CSMD2: variants seen among roughly 807,000 people sequenced by gnomAD.
CSMD2 encodes CUB and sushi domain-containing protein 2.
Under a neutral mutation model 398.5 loss-of-function variants are expected in CSMD2, and 130 were observed. The ratio of observed to expected loss-of-function variants is 0.33; its 90% CI spans 0.28 to 0.38. CSMD2 has a LOEUF of 0.38. Ranked by LOEUF, CSMD2 falls within the 10% of genes least tolerant of loss-of-function variation. The pLI is 1.00. For missense variants in CSMD2, 3,829 were observed against 4,764.9 expected, an observed-to-expected ratio of 0.80 and a Z score of 5.78; for synonymous variants, 1,828 against 1,908.5, an observed-to-expected ratio of 0.96 and a Z score of 1.10.
intron 22 of CSMD2, among the ~76,000 whole-genome samples, chr1:33,704,183 T>G (rs1338172158): frequency 6.6e-6 from 1 of 152,258 alleles, no homozygotes; most frequent in Non-Finnish European, 1.5e-5. Context: ...TATTTGGTTA[T>G]AGAAACACCA....
At position 33,681,828 on chromosome 1, in the gene CSMD2, TG is replaced by T. The variant is rs368437571; in HGVS notation, c.4052+11101del. Among the ~76,000 whole-genome samples, 31 of 152,084 alleles carry T rather than the reference TG, an allele frequency of 2.0e-4. 1 individual carries two copies. Among genetic ancestry groups the T allele is most frequent in the Admixed American group, 1.1e-3 (17 of 15,270 alleles). On this transcript the variant is annotated intron_variant, in intron 25 of 70. Coordinates refer to ENST00000373381, the MANE Select transcript of CSMD2 (RefSeq NM_001281956.2). The stretch of plus-strand genomic sequence containing the variant: ...TAAAAGTACAAAAATTAGCCAGGTG[TG>T]GTGGCAGGTGCCTTTAACCCCAGGT...
chr1:34,093,112 G>A (rs1284094783), intron 1 of CSMD2, among the ~76,000 whole-genome samples: 3 of 151,916 alleles, frequency 2.0e-5, no homozygotes, highest in African/African-American at 7.3e-5. Flanking sequence ...TGACCCCCGA[G>A]CAGCCTAACT....
intron 9 of CSMD2, among the ~76,000 whole-genome samples, chr1:33,812,499 G>A (rs1656974793): frequency 6.6e-6 from 1 of 152,210 alleles, no homozygotes; most frequent in African/African-American, 2.4e-5. Context: ...CTTTCATTCT[G>A]TACTGAGAAA....
Position 33,571,584 on chromosome 1 carries a change from G to A in CSMD2, c.7905C>T (p.Arg2635=). The A allele has an allele frequency of 6.5e-7, 1 of 1,549,064 alleles. No individual in the cohort carries two copies. Among genetic ancestry groups the A allele is most frequent in the Non-Finnish European group, 8.8e-7 (1 of 1,136,208 alleles). ...GYYYTGQRVI[R]CQANGKWSLG... ...GGCTCCATTTGCCATTGGCCTGACA[G>A]CGGATGACCCTTTGGCCAGTATAGT... The change falls in exon 51 of 71, where the codon CGC becomes CGT. Residue 2635 remains arginine (R), a synonymous_variant. Transcript: ENST00000373381.
chr1:33,545,234 A>G (rs1656765823), intron 57 of CSMD2, among the ~76,000 whole-genome samples: 1 of 152,222 alleles, frequency 6.6e-6, no homozygotes, highest in Middle Eastern at 3.2e-3. Context: ...AGAGAGAGAC[A>G]GAGAGATTTG....
At chr1:33,893,865 A>G (rs546868562) in intron 5 of CSMD2, among the ~76,000 whole-genome samples, 17 of 152,330 alleles carry the variant, frequency 1.1e-4, no homozygotes, top group African/African-American at 3.6e-4. Flanking sequence ...TTGCCAAGCT[A>G]GCAGGCAGCC....
chr1:33,728,857 A>G (rs1646629628), intron 15 of CSMD2, among the ~76,000 whole-genome samples: 2 of 152,254 alleles, frequency 1.3e-5, no homozygotes, highest in Admixed American at 6.5e-5. Context: ...AAATAATTAC[A>G]TAGAGCTATA....
chr1:33,640,047 A>C (rs2148928071), intron 29 of CSMD2, among the ~76,000 whole-genome samples: 1 of 152,320 alleles, frequency 6.6e-6, no homozygotes, highest in South Asian at 2.1e-4. Flanking sequence ...AGTCAGCCAA[A>C]CCAAAGCTCA....
At chr1:33,923,199 T>C (rs1301338647) in intron 4 of CSMD2, among the ~76,000 whole-genome samples, 3 of 152,186 alleles carry the variant, frequency 2.0e-5, no homozygotes, top group Admixed American at 1.3e-4. Flanking sequence ...CACGTTGAAA[T>C]GTAATCTCCA....
intron 3 of CSMD2, among the ~76,000 whole-genome samples, chr1:34,000,371 T>C (rs1646863073): frequency 6.6e-6 from 1 of 152,066 alleles, no homozygotes; most frequent in Admixed American, 6.6e-5. Context: ...GTCTCTGTCC[T>C]AGAGAGGCTG....
At chr1:33,740,369 A>G (rs1488617274) in intron 14 of CSMD2, among the ~76,000 whole-genome samples, 1 of 152,102 alleles carries the variant, frequency 6.6e-6, no homozygotes, top group Non-Finnish European at 1.5e-5. Context: ...AGTGGAGACC[A>G]GGATCCATGG....
In CSMD2 at chr1:33,519,462, C is replaced by T; in HGVS notation, c.*53+3G>A. ...CCTGTCTTCCTCCCACACCCCTGCT[C>T]ACCGGCTGCTGGAGGCGGGGCTCTC... On this transcript the variant is annotated splice_donor_region_variant and intron_variant, in intron 70 of 70. Coordinates refer to ENST00000373381, the MANE Select transcript of CSMD2 (RefSeq NM_001281956.2). This position sits in a 1 kb window ranked among gnomAD's most constrained non-coding sequence, Gnocchi z 5.6. 20 of 1,573,882 alleles carry T rather than the reference C, an allele frequency of 1.3e-5. No homozygotes were observed. In the South Asian group the frequency reaches 1.3e-4, roughly 10 times the overall value.
chr1:33,890,646 T>C (rs1366239258), intron 5 of CSMD2, among the ~76,000 whole-genome samples: 1 of 151,866 alleles, frequency 6.6e-6, no homozygotes, highest in East Asian at 1.9e-4. Flanking sequence ...CTTCAAACTA[T>C]ACTACAAGGC....
intron 15 of CSMD2, among the ~76,000 whole-genome samples, chr1:33,728,553 A>G (rs2149215224): frequency 6.6e-6 from 1 of 152,336 alleles, no homozygotes; most frequent in Admixed American, 6.5e-5. Context: ...TATAGAGAAG[A>G]AAACTAAGGC....
intron 25 of CSMD2, among the ~76,000 whole-genome samples, chr1:33,672,145 C>T (rs547984987): frequency 6.9e-4 from 105 of 152,248 alleles, no homozygotes; most frequent in African/African-American, 2.5e-3. Flanking sequence ...TGCAGTGCAC[C>T]GTGTGTGAGC....
intron 54 of CSMD2, 89 bp from the exon 55 acceptor site, chr1:33,558,011 G>T (rs1658198393): frequency 8.2e-6 from 10 of 1,214,180 alleles, no homozygotes; most frequent in Non-Finnish European, 1.1e-5. Flanking sequence ...AGACCCTGTC[G>T]GGAGGGTGAG....
At chr1:33,632,680 T>C (rs1009550404) in intron 32 of CSMD2, among the ~76,000 whole-genome samples, 91 of 152,162 alleles carry the variant, frequency 6.0e-4, no homozygotes, top group African/African-American at 2.1e-3. Context: ...GAGGGATATT[T>C]GATAATCTGC....
Position 33,622,238 on chromosome 1 carries a change from G to T in CSMD2, c.5756C>A (p.Ser1919Tyr). ...GTAGAAATGAAGGTAGAGCTGGTTG[G>T]AGGTGCTGTTCAGAAGGGCAGGCAC... ...TTVPALLNST[S>Y]NQLYLHFYSD... Residue 1919 changes from serine to tyrosine, a missense_variant, in exon 37 of 71, where the codon TCC (serine) becomes TAC (tyrosine). Around this residue, in one of 5 missense-constraint regions of CSMD2, gnomAD observed 2,001 missense variants for 2,567.1 expected, o/e 0.78. Coordinates refer to ENST00000373381, the MANE Select transcript of CSMD2 (RefSeq NM_001281956.2). 6.2e-7 allele frequency: 1 copy of T among 1,614,128 alleles called. No homozygotes were observed. The highest frequency in any genetic ancestry group is 8.5e-7 in the Non-Finnish European group (1 of 1,179,996).
Position 34,105,807 on chromosome 1 carries a change from T to C in CSMD2, c.188-16614A>G, listed in dbSNP as rs114003156. 9.7e-3 allele frequency among the ~76,000 whole-genome samples: 1,485 copies of C among 152,342 alleles called. 22 individuals carry two copies. Among genetic ancestry groups the C allele is most frequent in the African/African-American group, 0.034 (1,427 of 41,574 alleles). On this transcript the variant is annotated intron_variant, in intron 1 of 70. Coordinates refer to ENST00000373381, the MANE Select transcript of CSMD2 (RefSeq NM_001281956.2). ...AAGCATAAATGCTACTTCAAGATAA[T>C]TGTAACAACTGTAATGTTCTATGGA...
Sources: gnomAD v4.1 joint callset for allele counts (sites outside exome capture counted in the v4.1 genomes callset) on GRCh38, gnomAD v4.1.1 for gene constraint, gnomAD v4.1.1 regional missense constraint, Gnocchi (gnomAD v3.1) non-coding constraint, MANE v1.5 for transcripts, NCBI Gene and HGNC (gene_info 2026-07-23, HGNC 2026-07-21) for gene names.